The following MTREX variants were observed in gnomAD, a reference collection of about 807,000 sequenced individuals.
MTREX encodes the protein exosome RNA helicase MTR4.
MTREX carries 76 observed loss-of-function variants against 135.4 expected under a neutral mutation model. The ratio of observed to expected loss-of-function variants is 0.56; its 90% CI spans 0.47 to 0.68. MTREX has a LOEUF of 0.68. Ranked by LOEUF, MTREX falls within the 30% of genes least tolerant of loss-of-function variation. The probability of loss-of-function intolerance (pLI) is 0.00; values close to 1 mark genes in which losing one functional copy is unlikely to be tolerated. For synonymous variants in MTREX, 404 were observed against 401.6 expected, an observed-to-expected ratio of 1.01 and a Z score of -0.07; for missense variants, 920 against 1,262.1, an observed-to-expected ratio of 0.73 and a Z score of 4.11.
intron 1 of MTREX, among the ~76,000 whole-genome samples, chr5:55,322,083 A>G (rs1749298323): frequency 1.3e-5 from 2 of 152,228 alleles, no homozygotes; most frequent in African/African-American, 4.8e-5. Flanking sequence ...TTTAATAGTT[A>G]TGTTAATGTG....
At chr5:55,373,429 A>G (rs1750239746) in intron 16 of MTREX, among the ~76,000 whole-genome samples, 1 of 152,092 alleles carries the variant, frequency 6.6e-6, no homozygotes, top group East Asian at 1.9e-4. Context: ...TTGGATAGCT[A>G]AATATGAAGA....
chr5:55,405,276 TCC>T, intron 21 of MTREX, 147 bp from the exon 22 acceptor site: 1 of 558,354 alleles, frequency 1.8e-6, no homozygotes, highest in East Asian at 2.8e-5. Flanking sequence ...AGCTCCAGTT[TCC>T]CCAGTCTCCC....
In MTREX at chr5:55,387,932, G is replaced by C. The variant is rs1157678111; in HGVS notation, c.2053-42G>C. On this transcript the variant is annotated intron_variant, in intron 18 of 26. Transcript: ENST00000230640. ...GATGGAACTTAAAATTTATGGGCCA[G>C]TTTCTTAAGAATGAATGAACATCTT... 3 of 1,536,818 alleles carry C rather than the reference G, an allele frequency of 2.0e-6. No individual in the cohort carries two copies. In the South Asian group the frequency reaches 3.7e-5, roughly 19 times the overall value.
intron 16 of MTREX, among the ~76,000 whole-genome samples, chr5:55,370,097 A>C (rs1445163215): frequency 1.3e-5 from 2 of 151,768 alleles, no homozygotes; most frequent in Non-Finnish European, 2.9e-5. Context: ...CTAATTTTGT[A>C]TTTTTAGTAG....
intron 19 of MTREX, among the ~76,000 whole-genome samples, chr5:55,388,673 G>C (rs1295755033): frequency 1.3e-5 from 2 of 152,136 alleles, no homozygotes; most frequent in African/African-American, 4.8e-5. Flanking sequence ...AGGTGTTCAT[G>C]TATTAAATAC....
At chr5:55,359,491 T>C (rs13187630) in intron 15 of MTREX, among the ~76,000 whole-genome samples, 3 of 152,180 alleles carry the variant, frequency 2.0e-5, no homozygotes, top group Admixed American at 1.3e-4. Flanking sequence ...ATTTGAGATA[T>C]AGTCATAATG....
chr5:55,409,936 C>T (rs1426069000), intron 22 of MTREX, among the ~76,000 whole-genome samples: 1 of 152,096 alleles, frequency 6.6e-6, no homozygotes, highest in African/African-American at 2.4e-5. Context: ...GTCTTCTGGC[C>T]AGGTGTAGTG....
chr5:55,366,923 C>T lies in MTREX; in HGVS notation c.1810+48C>T, dbSNP rs1476271355. 8 of 1,432,308 alleles carry T rather than the reference C, an allele frequency of 5.6e-6. No individual in the cohort carries two copies. The South Asian group carries it at 1.2e-4, about 22-fold the overall frequency. The allele number at this position is 1,432,308 out of a possible 1,614,324, so 88.7% of individuals were successfully genotyped here. A position where few individuals can be genotyped will look rare whatever the true frequency, so the allele number is the denominator to read the frequency against. Reference sequence around the variant, plus strand: ...GAGCTTAGTGTAGCTAGGAGACTGACTAGCAAAATGTCTGCATTATTGGCT... The same window carrying T: ...GAGCTTAGTGTAGCTAGGAGACTGATTAGCAAAATGTCTGCATTATTGGCT... On this transcript the variant is annotated intron_variant, in intron 16 of 26. Coordinates refer to ENST00000230640, the MANE Select transcript of MTREX (RefSeq NM_015360.5).
At chr5:55,395,279 G>A (rs537443478) in intron 19 of MTREX, among the ~76,000 whole-genome samples, 1 of 152,000 alleles carries the variant, frequency 6.6e-6, no homozygotes, top group East Asian at 1.9e-4. Flanking sequence ...GGTGGCACAC[G>A]CCTATAATCC....
chr5:55,409,826 G>A (rs1750859040), intron 22 of MTREX, among the ~76,000 whole-genome samples: 1 of 152,210 alleles, frequency 6.6e-6, no homozygotes, highest in Non-Finnish European at 1.5e-5. Flanking sequence ...TCAGATTTGT[G>A]GATGACAATT....
intron 16 of MTREX, among the ~76,000 whole-genome samples, chr5:55,377,306 G>A (rs752479786): frequency 1.1e-4 from 17 of 152,088 alleles, no homozygotes; most frequent in Non-Finnish European, 7.3e-5. Context: ...TAGCCTGGGC[G>A]ACAGAGCGAG....
chr5:55,406,631 T>C (rs1326143700), intron 22 of MTREX, among the ~76,000 whole-genome samples: 1 of 152,192 alleles, frequency 6.6e-6, no homozygotes, highest in Non-Finnish European at 1.5e-5. Flanking sequence ...GATGGGGAAG[T>C]GGCTATTGTT....
intron 5 of MTREX, among the ~76,000 whole-genome samples, chr5:55,329,646 CT>C (rs1014856709): frequency 1.3e-5 from 2 of 151,886 alleles, no homozygotes; most frequent in Non-Finnish European, 1.5e-5. Context: ...AAATCTTTTA[CT>C]TTTTTTTGAA....
intron 5 of MTREX, among the ~76,000 whole-genome samples, chr5:55,338,559 GT>G (rs770305338): frequency 1.2e-4 from 18 of 145,716 alleles, no homozygotes; most frequent in East Asian, 6.0e-4. Context: ...GTTTTTTATT[GT>G]TTTTTTTTTC....
At chr5:55,401,025 G>A (rs190025699) in intron 21 of MTREX, among the ~76,000 whole-genome samples, 6 of 151,996 alleles carry the variant, frequency 3.9e-5, no homozygotes, top group Non-Finnish European at 7.4e-5. Context: ...GTGTGTGTGC[G>A]TGCGTCCGTG....
At chr5:55,344,657 C>A in intron 9 of MTREX, 37 bp downstream of exon 9, 1 of 1,173,814 alleles carries the variant, frequency 8.5e-7, no homozygotes, top group South Asian at 1.4e-5. Context: ...TCTATAATGT[C>A]ATACTTTATT....
chr5:55,378,192 T>C (rs1750336862), intron 16 of MTREX, 122 bp from the exon 17 acceptor site: 1 of 1,122,482 alleles, frequency 8.9e-7, no homozygotes, highest in East Asian at 3.0e-5. Context: ...TACAGGAAGG[T>C]GGAAGGTAAA....
At chr5:55,359,632 T>C (rs111604641) in intron 15 of MTREX, among the ~76,000 whole-genome samples, 4 of 152,316 alleles carry the variant, frequency 2.6e-5, no homozygotes, top group African/African-American at 9.6e-5. Flanking sequence ...CTTTAGAGAT[T>C]AACACTTGGA....
At chr5:55,326,228 C>G (rs1158739063) in intron 3 of MTREX, among the ~76,000 whole-genome samples, 1 of 151,962 alleles carries the variant, frequency 6.6e-6, no homozygotes, top group Non-Finnish European at 1.5e-5. Flanking sequence ...GAAACCCCGT[C>G]TCTACTAAAA....
Sources: allele counts gnomAD v4.1 joint callset (sites outside exome capture counted in the v4.1 genomes callset), GRCh38; gene constraint gnomAD v4.1.1; transcripts MANE v1.5; gene names NCBI Gene and HGNC (gene_info 2026-07-23, HGNC 2026-07-21).